The following DIS3L2 variants were observed in gnomAD, a reference collection of about 807,000 sequenced individuals.
DIS3L2 encodes DIS3-like exonuclease 2.
A neutral mutation model predicts 97.5 loss-of-function variants in DIS3L2; 34 were observed. That is an observed-to-expected ratio of 0.35 (90% CI 0.27 to 0.46). The LOEUF is 0.46. Ranked by LOEUF, DIS3L2 falls within the 20% of genes least tolerant of loss-of-function variation. The pLI is 1.00. For missense variants in DIS3L2, 1,038 were observed against 1,146.0 expected (o/e 0.91, Z 1.36); for synonymous variants, 435 against 445.2 (o/e 0.98, Z 0.29).
At chr2:232,326,560 G>A (rs1291926349) in intron 14 of DIS3L2, among the ~76,000 whole-genome samples, 1 of 152,112 alleles carries the variant, frequency 6.6e-6, no homozygotes, top group Non-Finnish European at 1.5e-5. Context: ...GCATCAGAAG[G>A]ACATGAGGGC....
At chr2:232,076,266 G>T in intron 5 of DIS3L2, among the ~76,000 whole-genome samples, 1 of 151,926 alleles carries the variant, frequency 6.6e-6, no homozygotes, top group Non-Finnish European at 1.5e-5. Context: ...TTTTTCATGT[G>T]TACCTGTCAG....
At chr2:232,304,484 C>T (rs1344897169) in intron 14 of DIS3L2, among the ~76,000 whole-genome samples, 1 of 152,196 alleles carries the variant, frequency 6.6e-6, no homozygotes, top group Non-Finnish European at 1.5e-5. Context: ...TGGTAGGAAT[C>T]GAGTGCTATG....
chr2:232,329,662 G>A (rs547059835), intron 14 of DIS3L2, 151 bp from the exon 15 acceptor site: 27 of 773,038 alleles, frequency 3.5e-5, no homozygotes, highest in East Asian at 2.2e-4. Context: ...GGGACTTGGC[G>A]GAACACATGA....
At chr2:232,078,005 CTTTCTTTCTTTCTTTT>C (rs1559602412) in intron 5 of DIS3L2, among the ~76,000 whole-genome samples, 8 of 119,068 alleles carry the variant, frequency 6.7e-5, no homozygotes, top group Non-Finnish European at 1.2e-4. Flanking sequence ...TTCTTTCTTT[CTTTCTTTCTTTCTTTT>C]TCTCTTTCTC....
chr2:232,192,674 G>A (rs1265116891), intron 9 of DIS3L2, among the ~76,000 whole-genome samples: 1 of 152,238 alleles, frequency 6.6e-6, no homozygotes, highest in Admixed American at 6.5e-5. Context: ...CAGTGTGGAA[G>A]TGGTGACTGT....
chr2:232,227,741 G>A (rs1468148222), intron 10 of DIS3L2, among the ~76,000 whole-genome samples: 1 of 152,178 alleles, frequency 6.6e-6, no homozygotes, highest in Admixed American at 6.5e-5. Context: ...GGAATATAAA[G>A]CAGTGAGCTT....
intron 9 of DIS3L2, among the ~76,000 whole-genome samples, chr2:232,166,446 C>T (rs377037804): frequency 8.5e-5 from 13 of 152,212 alleles, no homozygotes; most frequent in Admixed American, 3.9e-4. Context: ...ACTTTTGGGC[C>T]GGGCGCCGTG....
At chr2:232,161,011 G>A (rs893663581) in intron 8 of DIS3L2, among the ~76,000 whole-genome samples, 3 of 151,976 alleles carry the variant, frequency 2.0e-5, no homozygotes, top group African/African-American at 7.3e-5. Context: ...TCCGCCTCCC[G>A]GGTTCAAGCG....
At chr2:232,112,959 C>A (rs898965991) in intron 6 of DIS3L2, among the ~76,000 whole-genome samples, 1 of 151,806 alleles carries the variant, frequency 6.6e-6, no homozygotes, top group Admixed American at 6.6e-5. Flanking sequence ...AGAGTAATAC[C>A]TATAGTGGGA....
Position 232,081,680 on chromosome 2 carries a change from C to T in DIS3L2, c.367-5807C>T, listed in dbSNP as rs79708850. On this transcript the variant is annotated intron_variant, in intron 5 of 20. Transcript: ENST00000325385. The stretch of plus-strand genomic sequence containing the variant: ...GTCCTTTAGACAAGACACTAGTAGC[C>T]ATTGATAGCTTTCTTGTTTTCCCAG... Among the ~76,000 whole-genome samples the T allele has an allele frequency of 5.9e-5, 9 of 152,288 alleles. No homozygotes were observed. The East Asian group carries it at 1.7e-3, about 29-fold the overall frequency.
At chr2:232,000,221 T>C (rs910103386) in intron 1 of DIS3L2, among the ~76,000 whole-genome samples, 2 of 152,208 alleles carry the variant, frequency 1.3e-5, no homozygotes, top group African/African-American at 4.8e-5. Flanking sequence ...TAAAAATTGT[T>C]GTATTTTTAT....
chr2:232,258,455 G>A (rs1278681168), intron 12 of DIS3L2, among the ~76,000 whole-genome samples: 2 of 152,112 alleles, frequency 1.3e-5, no homozygotes, highest in African/African-American at 4.8e-5. Flanking sequence ...ATGGTGGCAT[G>A]TGCCTGTAGT....
rs1574922436 is a variant in DIS3L2 at position 232,169,370 on chromosome 2, A to G, written c.1124+5738A>G. ...TATATATATATATACATATATGCCA[A>G]GTACTGAGTTAGCCACTGAAAATGC... On this transcript the variant is annotated intron_variant, in intron 9 of 20. Transcript: ENST00000325385. Among the ~76,000 whole-genome samples the G allele has an allele frequency of 2.0e-5, 3 of 152,260 alleles. 1 individual carries two copies. The highest frequency in any genetic ancestry group is 2.0e-4 in the Admixed American group (3 of 15,284).
chr2:232,051,508 T>G (rs1695397825), intron 5 of DIS3L2, among the ~76,000 whole-genome samples: 1 of 152,124 alleles, frequency 6.6e-6, no homozygotes, highest in African/African-American at 2.4e-5. Flanking sequence ...AAGCAGAAAC[T>G]TGTTTTCTTA....
chr2:232,329,785 T>TGCCGGGGG, intron 14 of DIS3L2, 28 bp from the exon 15 acceptor site: 218 of 966,978 alleles, frequency 2.3e-4, no homozygotes, highest in Non-Finnish European at 2.9e-4. Context: ...ACCCCAGCGG[T>TGCCGGGGG]CCCTCCCATC....
At position 232,281,109 on chromosome 2, in the gene DIS3L2, G is replaced by A. The variant is rs774715842; in HGVS notation, c.1659+17669G>A. Among the ~76,000 whole-genome samples, 2 of 152,140 alleles carry A rather than the reference G, an allele frequency of 1.3e-5. No individual in the cohort carries two copies. Among genetic ancestry groups the A allele is most frequent in the Non-Finnish European group, 2.9e-5 (2 of 68,018 alleles). ...ACTTGTTTGCTCTGCCTTGAAATAT[G>A]AGTGTTTTCGGCTGGGCACGGTGGC... is the stretch of plus-strand genomic sequence containing the variant. On this transcript the variant is annotated intron_variant, in intron 13 of 20. Coordinates refer to ENST00000325385, the MANE Select transcript of DIS3L2 (RefSeq NM_152383.5). The surrounding 1 kb of genome is among the most constrained non-coding windows in gnomAD (Gnocchi z 4.1).
Position 232,125,928 on chromosome 2 carries a change from C to T in DIS3L2, c.602-4691C>T, listed in dbSNP as rs115568130. Among the ~76,000 whole-genome samples, 115 of 152,304 alleles carry T rather than the reference C, an allele frequency of 7.6e-4. 1 individual carries two copies. Among genetic ancestry groups the T allele is most frequent in the Admixed American group, 3.5e-3 (53 of 15,304 alleles). On this transcript the variant is annotated intron_variant, in intron 6 of 20. Coordinates refer to ENST00000325385, the MANE Select transcript of DIS3L2 (RefSeq NM_152383.5). The stretch of plus-strand genomic sequence containing the variant: ...TTTTCCTAGTTGGTTTTGAGAGATC[C>T]AGAAGGGACATATTTTCATTTACAA...
chr2:232,219,905 A>C (rs1392639177), intron 10 of DIS3L2, among the ~76,000 whole-genome samples: 1 of 152,140 alleles, frequency 6.6e-6, no homozygotes, highest in African/African-American at 2.4e-5. Context: ...AAAATTTGTG[A>C]TCTAAAAGCC....
intron 5 of DIS3L2, among the ~76,000 whole-genome samples, chr2:232,057,738 C>T (rs186348264): frequency 6.6e-6 from 1 of 152,258 alleles, no homozygotes; most frequent in Admixed American, 6.5e-5. Context: ...ACTCGACCCA[C>T]AGAAGTTGTA....
Sources: gnomAD v4.1 joint callset for allele counts (sites outside exome capture counted in the v4.1 genomes callset) on GRCh38, gnomAD v4.1.1 for gene constraint, Gnocchi (gnomAD v3.1) non-coding constraint, MANE v1.5 for transcripts, NCBI Gene and HGNC (gene_info 2026-07-23, HGNC 2026-07-21) for gene names.